RTRAF: variants seen among roughly 807,000 people sequenced by gnomAD.
The protein encoded by RTRAF is tRNA-splicing ligase complex subunit RTRAF.
RTRAF carries 14 observed loss-of-function variants against 34.4 expected under a neutral mutation model. The ratio of observed to expected loss-of-function variants is 0.41; its 90% CI spans 0.27 to 0.64. The LOEUF is 0.64. Ranked by LOEUF, RTRAF falls within the 30% of genes least tolerant of loss-of-function variation. The pLI, the probability that RTRAF is intolerant of heterozygous loss-of-function variation, is 0.34. For synonymous variants in RTRAF, 96 were observed against 95.3 expected (o/e 1.01, Z -0.04); for missense variants, 291 against 288.4 (o/e 1.01, Z -0.06).
intron 1 of RTRAF, among the ~76,000 whole-genome samples, chr14:51,990,159 C>T (rs1237982653): frequency 2.0e-5 from 3 of 152,166 alleles, no homozygotes; most frequent in Admixed American, 2.0e-4. Flanking sequence ...GCAATCAGAA[C>T]CCACTGAGCA....
intron 7 of RTRAF, 50 bp downstream of exon 7, chr14:52,004,292 TTGGGAGGAAATAAA>T: frequency 6.5e-7 from 1 of 1,544,940 alleles, no homozygotes; most frequent in Non-Finnish European, 8.8e-7. Flanking sequence ...GACTGAATAC[TTGGGAGGAAATAAA>T]TGGCCTTAAA....
At position 52,009,940 on chromosome 14, in the gene RTRAF, C is replaced by T. The variant is rs750105772; in HGVS notation, c.*5424C>T. On this transcript the variant is annotated 3_prime_UTR_variant, in exon 8 of 8. Coordinates refer to ENST00000261700, the MANE Select transcript of RTRAF (RefSeq NM_016039.3). ...AGATGGAGGTTGTAGTCAGCCGAGA[C>T]TGTGCCACTGCACCCCAGCCTCGGC... The T allele has an allele frequency of 6.6e-6, 1 of 152,032 alleles. No homozygotes were observed. Among genetic ancestry groups the T allele is most frequent in the Non-Finnish European group, 1.5e-5 (1 of 68,062 alleles). 9.4% of individuals were successfully genotyped at this position (152,032 alleles called of 1,614,324 possible). A position where few individuals can be genotyped will look rare whatever the true frequency, so the allele number is the denominator to read the frequency against.
At chr14:51,992,952 C>G (rs1890456014) in intron 2 of RTRAF, among the ~76,000 whole-genome samples, 2 of 152,150 alleles carry the variant, frequency 1.3e-5, no homozygotes, top group South Asian at 4.1e-4. Flanking sequence ...ATCATTTGAA[C>G]TCAGGAGGCG....
Position 51,999,830 on chromosome 14 carries a change from T to C in RTRAF, c.462+34T>C, listed in dbSNP as rs1190229816. Reference sequence around the variant, plus strand: ...CATGTTCTTGATTCTTGACAGAAACTGTGCACATAGAAAAATGTCTTTATT... The same window carrying C: ...CATGTTCTTGATTCTTGACAGAAACCGTGCACATAGAAAAATGTCTTTATT... On this transcript the variant is annotated intron_variant, in intron 5 of 7. Coordinates refer to ENST00000261700, the MANE Select transcript of RTRAF (RefSeq NM_016039.3). 3 of 1,456,192 alleles carry C rather than the reference T, an allele frequency of 2.1e-6. No homozygotes were observed. The South Asian group carries it at 3.7e-5, about 18-fold the overall frequency. The allele number at this position is 1,456,192 out of a possible 1,614,324, so 90.2% of individuals were successfully genotyped here. A position where few individuals can be genotyped will look rare whatever the true frequency, so the allele number is the denominator to read the frequency against.
chr14:52,008,015 G>A lies in RTRAF; in HGVS notation c.*3499G>A, dbSNP rs1239763006. On this transcript the variant is annotated 3_prime_UTR_variant, in exon 8 of 8. Transcript: ENST00000261700. The stretch of plus-strand genomic sequence containing the variant: ...GTAAAAGAATAGCCATGTAGCCTGT[G>A]GTAGGCAGCATCTAAGCAGCCCCCA... 5.3e-6 allele frequency: 8 copies of A among 1,507,212 alleles called. No individual in the cohort carries two copies. The highest frequency in any genetic ancestry group is 1.4e-5 in the African/African-American group (1 of 71,718). 93.4% of individuals were successfully genotyped at this position (1,507,212 alleles called of 1,614,324 possible). A position where few individuals can be genotyped will look rare whatever the true frequency, so the allele number is the denominator to read the frequency against.
chr14:51,996,646 T>C (rs750566532), intron 3 of RTRAF, among the ~76,000 whole-genome samples: 2 of 152,082 alleles, frequency 1.3e-5, no homozygotes, highest in Admixed American at 6.6e-5. Context: ...AACCATTTGA[T>C]AGTAAATTAT....
At chr14:51,996,709 C>G (rs192504466) in intron 3 of RTRAF, among the ~76,000 whole-genome samples, 1 of 152,088 alleles carries the variant, frequency 6.6e-6, no homozygotes, top group African/African-American at 2.4e-5. Flanking sequence ...CTAAAAACAA[C>G]TTTGTCTTAT....
At chr14:52,002,996 A>ATTC (rs1180397080) in intron 6 of RTRAF, among the ~76,000 whole-genome samples, 1,018 of 8,486 alleles carry the variant, frequency 0.12, 23 homozygotes, top group Non-Finnish European at 0.14. Flanking sequence ...TAATAAAGTC[A>ATTC]ATCATTCATT....
At chr14:52,003,771 A>G (rs138462971) in intron 6 of RTRAF, among the ~76,000 whole-genome samples, 6 of 152,346 alleles carry the variant, frequency 3.9e-5, no homozygotes, top group African/African-American at 1.4e-4. Context: ...TACAATTTGT[A>G]AAGACAAATT....
In RTRAF at chr14:52,004,677, T is replaced by G; in HGVS notation, c.*161T>G. 1.6e-6 allele frequency: 1 copy of G among 634,302 alleles called. No homozygotes were observed. The highest frequency in any genetic ancestry group is 2.6e-6 in the Non-Finnish European group (1 of 388,654). 39.3% of individuals were successfully genotyped at this position (634,302 alleles called of 1,614,324 possible). Reference sequence around the variant, plus strand: ...CATTGCTTATTGCTTTTTTCTTTAATAAAGTTTAGGAAAGTAGAATTTTTA... The same window carrying G: ...CATTGCTTATTGCTTTTTTCTTTAAGAAAGTTTAGGAAAGTAGAATTTTTA... On this transcript the variant is annotated 3_prime_UTR_variant, in exon 8 of 8. Transcript: ENST00000261700.
chr14:51,995,317 T>G (rs1890501632), intron 3 of RTRAF, among the ~76,000 whole-genome samples: 1 of 152,080 alleles, frequency 6.6e-6, no homozygotes, highest in Non-Finnish European at 1.5e-5. Context: ...CTTTTTTAAC[T>G]TCTAGAGGCT....
rs1006332768 is a variant in RTRAF, at chr14:52,009,545, T to C, written c.*5029T>C. The C allele has an allele frequency of 2.6e-5, 4 of 152,240 alleles. No homozygotes were observed. Among genetic ancestry groups the C allele is most frequent in the Non-Finnish European group, 5.9e-5 (4 of 68,042 alleles). The allele number at this position is 152,240 out of a possible 1,614,324, so 9.4% of individuals were successfully genotyped here. On this transcript the variant is annotated 3_prime_UTR_variant, in exon 8 of 8. Coordinates refer to ENST00000261700, the MANE Select transcript of RTRAF (RefSeq NM_016039.3). ...CAAGTCCTTTAGCATTTATATTTGC[T>C]GTCTGGATAAGAAAGTTCTACTTTC...
In RTRAF at chr14:52,004,344, T is replaced by G; in HGVS notation, c.581-18T>G. ...TAAAAATTATGTATTGAAGCAGTGT[T>G]CTTTTCTCATAAAACAGATGCAGTT... On this transcript the variant is annotated intron_variant, in intron 7 of 7. Coordinates refer to ENST00000261700, the MANE Select transcript of RTRAF (RefSeq NM_016039.3). 4 of 1,612,420 alleles carry G rather than the reference T, an allele frequency of 2.5e-6. No homozygotes were observed. Among genetic ancestry groups the G allele is most frequent in the Non-Finnish European group, 3.4e-6 (4 of 1,179,216 alleles).
intron 6 of RTRAF, among the ~76,000 whole-genome samples, chr14:52,002,843 G>T (rs967954621): frequency 6.6e-6 from 1 of 152,164 alleles, no homozygotes; most frequent in Non-Finnish European, 1.5e-5. Flanking sequence ...GGTTACTAAT[G>T]CCAGGGCAGT....
At chr14:51,989,768 C>T (rs1890395842) in intron 1 of RTRAF, 68 bp downstream of exon 1, 3 of 1,463,822 alleles carry the variant, frequency 2.0e-6, no homozygotes, top group Non-Finnish European at 2.8e-6. Flanking sequence ...TCAGTGCCCG[C>T]ACCCCACCTC....
intron 6 of RTRAF, among the ~76,000 whole-genome samples, chr14:52,002,393 C>G (rs2140331215): frequency 6.6e-6 from 1 of 152,296 alleles, no homozygotes; most frequent in African/African-American, 2.4e-5. Flanking sequence ...AGAGCCTGTG[C>G]TCTTACGGTA....
intron 3 of RTRAF, among the ~76,000 whole-genome samples, chr14:51,996,673 C>G (rs1890526062): frequency 6.6e-6 from 1 of 151,908 alleles, no homozygotes; most frequent in South Asian, 2.1e-4. Context: ...TTCCTTTTTA[C>G]TCTTAAACAC....
intron 2 of RTRAF, among the ~76,000 whole-genome samples, 191 bp from the exon 3 acceptor site, chr14:51,993,532 A>G (rs1890468364): frequency 1.3e-5 from 2 of 151,756 alleles, no homozygotes; most frequent in African/African-American, 2.4e-5. Context: ...GTCGTATTCT[A>G]TTTTTTTTCT....
chr14:52,007,802 A>G lies in RTRAF; in HGVS notation c.*3286A>G. On this transcript the variant is annotated 3_prime_UTR_variant, in exon 8 of 8. Coordinates refer to ENST00000261700, the MANE Select transcript of RTRAF (RefSeq NM_016039.3). ...GGTTATCTATTTGCATTCCATCAGT[A>G]GTATTACCTGCATCTGCCCAGCAGA... 6.2e-7 allele frequency: 1 copy of G among 1,611,332 alleles called. No individual in the cohort carries two copies. Among genetic ancestry groups the G allele is most frequent in the Admixed American group, 1.7e-5 (1 of 59,628 alleles).
Sources: gnomAD v4.1 joint callset for allele counts (sites outside exome capture counted in the v4.1 genomes callset) on GRCh38, gnomAD v4.1.1 for gene constraint, MANE v1.5 for transcripts, NCBI Gene and HGNC (gene_info 2026-07-23, HGNC 2026-07-21) for gene names.